GIGYF1: variants seen among roughly 807,000 people sequenced by gnomAD.
The protein encoded by GIGYF1 is GRB10 interacting GYF protein 1, also known as GRB10-interacting GYF protein 1.
In GIGYF1, 84 loss-of-function variants were observed where a neutral mutation model predicts 147.1. That is an observed-to-expected ratio of 0.57 (90% CI 0.48 to 0.68). GIGYF1 has a LOEUF of 0.68. Ranked by LOEUF, GIGYF1 falls within the 30% of genes least tolerant of loss-of-function variation. The probability of loss-of-function intolerance (pLI) is 0.00; values close to 1 mark genes in which losing one functional copy is unlikely to be tolerated. For missense variants in GIGYF1, 1,485 were observed against 1,393.7 expected, an observed-to-expected ratio of 1.07 and a Z score of -1.04; for synonymous variants, 752 against 589.5, an observed-to-expected ratio of 1.28 and a Z score of -3.99.
chr7:100,683,888 C>T lies in GIGYF1; in HGVS notation c.1899G>A (p.Met633Ile), dbSNP rs1389407271. The T allele has an allele frequency of 1.9e-6, 3 of 1,556,196 alleles. No individual in the cohort carries two copies. Among genetic ancestry groups the T allele is most frequent in the South Asian group, 1.2e-5 (1 of 85,030 alleles). ...AATCTGGCACCGACAAGGACCGGCT[C>T]ATCGTCGGGAGCAGGTTCTGGTCCC... ...RGGDQNLLPT[M>I]SRSLSVPDSG... The change falls in exon 19 of 27, where the codon ATG becomes ATA. Residue 633 changes from methionine to isoleucine, a missense_variant. Coordinates refer to ENST00000678049, the MANE Select transcript of GIGYF1 (RefSeq NM_001375765.1).
chr7:100,681,681 C>T lies in GIGYF1; in HGVS notation c.*38G>A, dbSNP rs758826136. On this transcript the variant is annotated 3_prime_UTR_variant, in exon 27 of 27. Transcript: ENST00000678049. ...CCCTCGGTCCACGCCGCTGTGGCTGCCCTGGCCTACAGCCCAGGGGCTGGG... is the reference window on the plus strand; with the variant it reads ...CCCTCGGTCCACGCCGCTGTGGCTGTCCTGGCCTACAGCCCAGGGGCTGGG... The T allele has an allele frequency of 1.7e-5, 26 of 1,515,466 alleles. No individual in the cohort carries two copies. In the East Asian group the frequency reaches 5.7e-4, roughly 33 times the overall value. The allele number at this position is 1,515,466 out of a possible 1,614,324, so 93.9% of individuals were successfully genotyped here.
chr7:100,686,480 G>A, intron 10 of GIGYF1, 47 bp from the exon 11 acceptor site: 1 of 1,540,856 alleles, frequency 6.5e-7, no homozygotes, highest in South Asian at 1.2e-5. Context: ...CCCAAGCGAA[G>A]CCAGCGGCCC....
chr7:100,691,123 A>G (rs1043300656), intron 1 of GIGYF1, among the ~76,000 whole-genome samples: 1 of 152,220 alleles, frequency 6.6e-6, no homozygotes. Context: ...AACTAGTGGC[A>G]CACCTGCAGG....
rs760025272 is a variant in GIGYF1 at position 100,686,671 on chromosome 7, G to C, written c.672C>G (p.Asp224Glu). 6.2e-7 allele frequency: 1 copy of C among 1,612,426 alleles called. No homozygotes were observed. The highest frequency in any genetic ancestry group is 1.1e-5 in the South Asian group (1 of 91,042). The change falls in exon 10 of 27, where the codon GAC (aspartate) becomes GAG (glutamate). Residue 224 changes from aspartate to glutamate, a missense_variant. Asp to Glu is a conservative substitution (Grantham distance 45, BLOSUM62 2). Transcript: ENST00000678049. ...RLGAGPRRDGDRWRSASPDGG... is the reference protein window; with the variant it reads ...RLGAGPRRDGERWRSASPDGG... ...CACCAGGGCTGGCGGAGCGCCAGCG[G>C]TCGCCGTCTCGCCGGGGCCCTGCTC...
chr7:100,687,690 C>T (rs1805504988), intron 6 of GIGYF1, 74 bp from the exon 7 acceptor site: 3 of 1,378,008 alleles, frequency 2.2e-6, no homozygotes, highest in Non-Finnish European at 2.0e-6. Context: ...ACAGCACCCT[C>T]CCCGCCTGTC....
rs1804673767 is a variant in GIGYF1 at position 100,680,785 on chromosome 7, A to G, written c.*934T>C. On this transcript the variant is annotated 3_prime_UTR_variant, in exon 27 of 27. Coordinates refer to ENST00000678049, the MANE Select transcript of GIGYF1 (RefSeq NM_001375765.1). Reference sequence around the variant, plus strand: ...GCAATCATCCACCCCCGCCGCTCACAGGGGTGAGGCAGCTCAGGCAGGGGT... The same window carrying G: ...GCAATCATCCACCCCCGCCGCTCACGGGGGTGAGGCAGCTCAGGCAGGGGT... The G allele has an allele frequency of 1.3e-5, 2 of 152,766 alleles. No individual in the cohort carries two copies. The highest frequency in any genetic ancestry group is 6.5e-5 in the Admixed American group (1 of 15,282). The allele number at this position is 152,766 out of a possible 1,614,324, so 9.5% of individuals were successfully genotyped here. A position where few individuals can be genotyped will look rare whatever the true frequency, so the allele number is the denominator to read the frequency against.
Position 100,683,342 on chromosome 7 carries a change from G to C in GIGYF1, c.2155C>G (p.Arg719Gly), listed in dbSNP as rs556905326. Residue 719 changes from arginine (R) to glycine (G), a missense_variant, in exon 21 of 27, where the codon CGG (arginine) becomes GGG (glycine). Arg to Gly is a moderately radical substitution (Grantham distance 125). Coordinates refer to ENST00000678049, the MANE Select transcript of GIGYF1 (RefSeq NM_001375765.1). ...RRQQQQEEQKRRQEEEELFRR... is the reference protein window; with the variant it reads ...RRQQQQEEQKGRQEEEELFRR... Reference sequence around the variant, plus strand: ...AACAGCTCTTCCTCCTCCTGCCGCCGCTTCTGCTCCTCCTGCTGCTGCTGG... The same window carrying C: ...AACAGCTCTTCCTCCTCCTGCCGCCCCTTCTGCTCCTCCTGCTGCTGCTGG... The C allele has an allele frequency of 6.2e-7, 1 of 1,613,722 alleles. No individual in the cohort carries two copies.
intron 8 of GIGYF1, 73 bp from the exon 9 acceptor site, chr7:100,687,119 T>C (rs1464327406): frequency 6.3e-7 from 1 of 1,586,820 alleles, no homozygotes; most frequent in African/African-American, 1.3e-5. Context: ...GCCCCATGCC[T>C]TGTCCACTGT....
intron 1 of GIGYF1, among the ~76,000 whole-genome samples, chr7:100,689,989 T>C (rs1805702573): frequency 6.6e-6 from 1 of 152,124 alleles, no homozygotes; most frequent in African/African-American, 2.4e-5. Flanking sequence ...GACAGGGAGC[T>C]GTTGCTGAAG....
rs568822336 is a variant in GIGYF1 at position 100,688,410 on chromosome 7, C to T, written c.-70+41G>A. On this transcript the variant is annotated intron_variant, in intron 3 of 26. Transcript: ENST00000678049. Reference sequence around the variant, plus strand: ...TCCTAGTGGGCACAACAATGGGCCCCGGACTAGCTGGTGGGTCACCTGGGG... The same window carrying T: ...TCCTAGTGGGCACAACAATGGGCCCTGGACTAGCTGGTGGGTCACCTGGGG... The T allele has an allele frequency of 1.4e-5, 10 of 712,574 alleles. No homozygotes were observed. The East Asian group carries it at 1.9e-4, about 13-fold the overall frequency. 44.1% of individuals were successfully genotyped at this position (712,574 alleles called of 1,614,324 possible).
At chr7:100,691,935 G>C (rs976246799) in intron 1 of GIGYF1, among the ~76,000 whole-genome samples, 1 of 152,294 alleles carries the variant, frequency 6.6e-6, no homozygotes, top group African/African-American at 2.4e-5. Flanking sequence ...ACTCAAGAGA[G>C]AAAGAAAAGA....
Position 100,683,300 on chromosome 7 carries a change from C to T in GIGYF1, c.2193+4G>A, listed in dbSNP as rs761201481. 1 of 1,613,780 alleles carries T rather than the reference C, an allele frequency of 6.2e-7. No homozygotes were observed. Among genetic ancestry groups the T allele is most frequent in the South Asian group, 1.1e-5 (1 of 91,088 alleles). ...CCAGCCAGCTGAGGCTTGGGAGCAC[C>T]CACGTGCTTGCGCCGAAACAGCTCT... On this transcript the variant is annotated splice_donor_region_variant and intron_variant, in intron 21 of 26. Coordinates refer to ENST00000678049, the MANE Select transcript of GIGYF1 (RefSeq NM_001375765.1).
chr7:100,682,889 T>C (rs1804923014), intron 22 of GIGYF1, 112 bp from the exon 23 acceptor site: 2 of 1,286,018 alleles, frequency 1.6e-6, no homozygotes, highest in Non-Finnish European at 2.1e-6. Flanking sequence ...CCACAAGAGC[T>C]GTTGCCATCA....
At chr7:100,689,848 G>A (rs1156869812) in intron 1 of GIGYF1, among the ~76,000 whole-genome samples, 3 of 152,212 alleles carry the variant, frequency 2.0e-5, no homozygotes, top group African/African-American at 7.2e-5. Context: ...GATGAGCCTT[G>A]AGGACATCAC....
At chr7:100,688,333 A>T in intron 3 of GIGYF1, 26 bp from the exon 4 acceptor site, 1 of 1,084,352 alleles carries the variant, frequency 9.2e-7, no homozygotes, top group Non-Finnish European at 1.4e-6. Flanking sequence ...GGCCATGAAG[A>T]ACAGCACACG....
chr7:100,681,628 C>T lies in GIGYF1; in HGVS notation c.*91G>A. On this transcript the variant is annotated 3_prime_UTR_variant, in exon 27 of 27. Coordinates refer to ENST00000678049, the MANE Select transcript of GIGYF1 (RefSeq NM_001375765.1). ...GACCCCGCCCCTGCCTCTTCCTGTGCTCTCTGCGGGGAGCCTGCAGGCTGG... is the reference window on the plus strand; with the variant it reads ...GACCCCGCCCCTGCCTCTTCCTGTGTTCTCTGCGGGGAGCCTGCAGGCTGG... The T allele has an allele frequency of 4.0e-6, 5 of 1,264,092 alleles. No homozygotes were observed. In the South Asian group the frequency reaches 7.7e-5, roughly 20 times the overall value. The allele number at this position is 1,264,092 out of a possible 1,614,324, so 78.3% of individuals were successfully genotyped here.
At chr7:100,691,435 T>G (rs919361079) in intron 1 of GIGYF1, among the ~76,000 whole-genome samples, 1 of 151,958 alleles carries the variant, frequency 6.6e-6, no homozygotes, top group Admixed American at 6.6e-5. Flanking sequence ...AGGGACATCA[T>G]TCCCTAATTA....
chr7:100,681,706 G>C lies in GIGYF1; in HGVS notation c.*13C>G. 6.5e-7 allele frequency: 1 copy of C among 1,540,080 alleles called. No individual in the cohort carries two copies. The highest frequency in any genetic ancestry group is 8.7e-7 in the Non-Finnish European group (1 of 1,144,018). On this transcript the variant is annotated 3_prime_UTR_variant, in exon 27 of 27. Transcript: ENST00000678049. The stretch of plus-strand genomic sequence containing the variant: ...CCCTGGCCTACAGCCCAGGGGCTGG[G>C]GGTCCGGGCTGGTCAGTAGTCATCC...
rs1805016924 is a variant in GIGYF1 at position 100,683,644 on chromosome 7, A to AG, written c.1970-13dup. The stretch of plus-strand genomic sequence containing the variant: ...ACTGGCCTCACCACCTGCAGGGGGC[A>AG]GGGGGGCAGAGGCGGCTGCAGGTGG... On this transcript the variant is annotated splice_polypyrimidine_tract_variant and intron_variant, in intron 19 of 26. Coordinates refer to ENST00000678049, the MANE Select transcript of GIGYF1 (RefSeq NM_001375765.1). 5.6e-6 allele frequency: 9 copies of AG among 1,612,436 alleles called. No individual in the cohort carries two copies. Among genetic ancestry groups the AG allele is most frequent in the Non-Finnish European group, 7.6e-6 (9 of 1,178,428 alleles).
Sources: allele counts gnomAD v4.1 joint callset (sites outside exome capture counted in the v4.1 genomes callset), GRCh38; gene constraint gnomAD v4.1.1; transcripts MANE v1.5; gene names NCBI Gene and HGNC (gene_info 2026-07-23, HGNC 2026-07-21).